Variants in PRKN observed in about 807,000 individuals in gnomAD.
The protein encoded by PRKN is E3 ubiquitin-protein ligase parkin.
PRKN carries 56 observed loss-of-function variants against 59.5 expected under a neutral mutation model. That is an observed-to-expected ratio of 0.94 (90% CI 0.76 to 1.18). The LOEUF (loss-of-function observed/expected upper bound fraction) is 1.18, where lower values mean the gene tolerates loss of function less well. Ranked by LOEUF, PRKN falls within the 50% of genes most tolerant of loss-of-function variation. The pLI, the probability that PRKN is intolerant of heterozygous loss-of-function variation, is 0.00. For synonymous variants in PRKN, 250 were observed against 222.1 expected, an observed-to-expected ratio of 1.13 and a Z score of -1.12; for missense variants, 657 against 596.4, an observed-to-expected ratio of 1.10 and a Z score of -1.06.
intron 1 of PRKN, among the ~76,000 whole-genome samples, chr6:162,588,826 C>G (rs1781182284): frequency 6.6e-6 from 1 of 152,154 alleles, no homozygotes; most frequent in Non-Finnish European, 1.5e-5. Flanking sequence ...GCTGGGATTA[C>G]AGGCGTGAGC....
At chr6:161,535,420 A>T (rs1016145839) in intron 9 of PRKN, among the ~76,000 whole-genome samples, 1 of 152,198 alleles carries the variant, frequency 6.6e-6, no homozygotes, top group African/African-American at 2.4e-5. Flanking sequence ...AAAATATGAA[A>T]CTCTGAGACT....
chr6:162,172,671 C>A (rs944831833), intron 4 of PRKN, among the ~76,000 whole-genome samples: 16 of 152,168 alleles, frequency 1.1e-4, no homozygotes, highest in Non-Finnish European at 2.4e-4. Context: ...CTCTAATTAA[C>A]AATTTGAATT....
chr6:162,642,483 T>C (rs1286936676), intron 1 of PRKN, among the ~76,000 whole-genome samples: 1 of 152,124 alleles, frequency 6.6e-6, no homozygotes, highest in Non-Finnish European at 1.5e-5. Flanking sequence ...TAAGCTAACA[T>C]TCTATAAAAC....
intron 7 of PRKN, chr6:161,716,069 TCTTAC>T: frequency 1.2e-6 from 1 of 855,202 alleles, no homozygotes; most frequent in Non-Finnish European, 1.5e-6. Context: ...GCTGGGCCCA[TCTTAC>T]CGACTCCTCT....
intron 11 of PRKN, among the ~76,000 whole-genome samples, chr6:161,351,150 T>C (rs1323469313): frequency 7.6e-6 from 1 of 131,408 alleles, no homozygotes; most frequent in Non-Finnish European, 1.6e-5. Flanking sequence ...ATTTAAAATA[T>C]ATATAAATAT....
At chr6:162,587,541 G>A (rs552494037) in intron 1 of PRKN, among the ~76,000 whole-genome samples, 8 of 152,084 alleles carry the variant, frequency 5.3e-5, no homozygotes, top group South Asian at 2.1e-4. Context: ...ATAGAGTCTC[G>A]GGAACAAATG....
intron 6 of PRKN, among the ~76,000 whole-genome samples, chr6:161,957,389 AT>A (rs1225738548): frequency 7.0e-6 from 1 of 142,944 alleles, no homozygotes; most frequent in Non-Finnish European, 1.5e-5. Flanking sequence ...GTCTGTTTTT[AT>A]TTTTTTGTTG....
intron 6 of PRKN, among the ~76,000 whole-genome samples, chr6:161,870,609 G>T (rs947170923): frequency 6.6e-6 from 1 of 152,102 alleles, no homozygotes; most frequent in East Asian, 1.9e-4. Context: ...TGATCAGAAG[G>T]CTATCAATAT....
chr6:162,501,481 G>T (rs1457287784), intron 1 of PRKN, among the ~76,000 whole-genome samples: 5 of 150,582 alleles, frequency 3.3e-5, no homozygotes, highest in African/African-American at 1.2e-4. Context: ...CCGAATATCT[G>T]GGATTACAGG....
At chr6:161,931,297 GC>G (rs1779162702) in intron 6 of PRKN, among the ~76,000 whole-genome samples, 1 of 152,054 alleles carries the variant, frequency 6.6e-6, no homozygotes, top group Admixed American at 6.6e-5. Flanking sequence ...AATTAGCTGG[GC>G]ATGGTGGTAT....
intron 2 of PRKN, among the ~76,000 whole-genome samples, chr6:162,343,550 G>T (rs1215134742): frequency 6.6e-6 from 1 of 152,204 alleles, no homozygotes; most frequent in East Asian, 1.9e-4. Flanking sequence ...TGGTGGATCA[G>T]GTGAAGTATA....
At chr6:162,396,791 A>T (rs1787499546) in intron 2 of PRKN, among the ~76,000 whole-genome samples, 1 of 152,108 alleles carries the variant, frequency 6.6e-6, no homozygotes, top group Non-Finnish European at 1.5e-5. Context: ...AAGCAATCAT[A>T]TTTACTGTGT....
intron 2 of PRKN, among the ~76,000 whole-genome samples, chr6:162,304,840 G>T (rs116335370): frequency 7.2e-6 from 1 of 138,902 alleles, no homozygotes; most frequent in Non-Finnish European, 1.6e-5. Context: ...TGAGTGCCAG[G>T]GTAGTCAGAT....
chr6:162,465,986 A>G (rs1358975609), intron 1 of PRKN, among the ~76,000 whole-genome samples: 1 of 152,190 alleles, frequency 6.6e-6, no homozygotes, highest in Non-Finnish European at 1.5e-5. Context: ...TCTTAAGACG[A>G]CAACTCCAAA....
chr6:161,477,510 C>CAAA (rs55713712), intron 9 of PRKN, among the ~76,000 whole-genome samples: 41,601 of 123,786 alleles, frequency 0.34, 8,782 homozygotes, highest in East Asian at 0.51. Context: ...AACTCCATCT[C>CAAA]AAAAAAAAAA....
At chr6:162,522,617 A>C (rs1478737411) in intron 1 of PRKN, among the ~76,000 whole-genome samples, 2 of 152,228 alleles carry the variant, frequency 1.3e-5, no homozygotes, top group Non-Finnish European at 2.9e-5. Flanking sequence ...TGGTCAGCAC[A>C]AACCATGATG....
chr6:161,544,182 CTT>C lies in PRKN; in HGVS notation c.1083+4670_1083+4671del, dbSNP rs1779714847. On this transcript the variant is annotated intron_variant, in intron 9 of 11. Coordinates refer to ENST00000366898, the MANE Select transcript of PRKN (RefSeq NM_004562.3). This position sits in a 1 kb window ranked among gnomAD's most constrained non-coding sequence, Gnocchi z 5.5. ...GACATTTTACATATCAGAATGTACT[CTT>C]TACTTGGCCGTGTATGTAGCCTTTG... Among the ~76,000 whole-genome samples, 1 of 152,178 alleles carries C rather than the reference CTT, an allele frequency of 6.6e-6. No homozygotes were observed. Among genetic ancestry groups the C allele is most frequent in the Admixed American group, 6.5e-5 (1 of 15,274 alleles).
intron 2 of PRKN, among the ~76,000 whole-genome samples, chr6:162,351,086 A>AT (rs1445436982): frequency 6.6e-6 from 1 of 152,158 alleles, no homozygotes; most frequent in Non-Finnish European, 1.5e-5. Flanking sequence ...TCTCTTCAGG[A>AT]GGCTGAGATG....
rs375260783 is a variant in PRKN at position 162,288,467 on chromosome 6, C to T, written c.172-25702G>A. Among the ~76,000 whole-genome samples, 23 of 152,202 alleles carry T rather than the reference C, an allele frequency of 1.5e-4. No individual in the cohort carries two copies. The East Asian group carries it at 4.1e-3, about 27-fold the overall frequency. The stretch of plus-strand genomic sequence containing the variant: ...TGTTCAGCAAAAGGGAGATTATCCC[C>T]GGCGGGCCTGAACTACTAAAAAGAA... On this transcript the variant is annotated intron_variant, in intron 2 of 11. Coordinates refer to ENST00000366898, the MANE Select transcript of PRKN (RefSeq NM_004562.3).
Sources: gnomAD v4.1 joint callset for allele counts (sites outside exome capture counted in the v4.1 genomes callset) on GRCh38, gnomAD v4.1.1 for gene constraint, Gnocchi (gnomAD v3.1) non-coding constraint, MANE v1.5 for transcripts, NCBI Gene and HGNC (gene_info 2026-07-23, HGNC 2026-07-21) for gene names.